NXNL1: variants seen among roughly 807,000 people sequenced by gnomAD.
NXNL1 encodes the protein nucleoredoxin-like protein 1.
Under a neutral mutation model 7.2 loss-of-function variants are expected in NXNL1, and 6 were observed. That is an observed-to-expected ratio of 0.83 (90% CI 0.46 to 1.64). The LOEUF (loss-of-function observed/expected upper bound fraction) is 1.64, where lower values mean the gene tolerates loss of function less well. Among genes scored for constraint, NXNL1 ranks in the 40% most tolerant of loss-of-function variants. The pLI, the probability that NXNL1 is intolerant of heterozygous loss-of-function variation, is 0.01. For missense variants in NXNL1, 308 were observed against 285.1 expected, an observed-to-expected ratio of 1.08 and a Z score of -0.58; for synonymous variants, 133 against 127.2, an observed-to-expected ratio of 1.05 and a Z score of -0.31.
chr19:17,460,536 CT>C lies in NXNL1; in HGVS notation c.326+7del. 1 of 1,599,696 alleles carries C rather than the reference CT, an allele frequency of 6.3e-7. No individual in the cohort carries two copies. Among genetic ancestry groups the C allele is most frequent in the East Asian group, 2.2e-5 (1 of 44,880 alleles). On this transcript the variant is annotated splice_region_variant and intron_variant, in intron 1 of 1. Coordinates refer to ENST00000301944, the MANE Select transcript of NXNL1 (RefSeq NM_138454.2). The stretch of plus-strand genomic sequence containing the variant: ...CTCCTCCAGGAAGCCCTCCCTGCCC[CT>C]CCTCACCTCCTCAGATCATCCTCAA...
In NXNL1 at chr19:17,455,799, A is replaced by G; in HGVS notation, c.487T>C (p.Phe163Leu). Residue 163 changes from phenylalanine to leucine, a missense_variant, in exon 2 of 2, where the codon TTC becomes CTC. By Grantham distance (22) the Phe-to-Leu change is conservative. Transcript: ENST00000301944. ...TCCTCCAGGTCCTCTGGCAGCTGGA[A>G]GTTGCGGTCCAGCACCTCGGCCGCC... ...QEAAEVLDRN[F>L]QLPEDLEDQE... is the part of the protein sequence containing the mutation. 3.8e-6 allele frequency: 6 copies of G among 1,565,968 alleles called. No homozygotes were observed. Among genetic ancestry groups the G allele is most frequent in the Non-Finnish European group, 5.2e-6 (6 of 1,160,826 alleles).
chr19:17,456,341 A>AATAAATAAATAG (rs1223058505), intron 1 of NXNL1, among the ~76,000 whole-genome samples: 4 of 151,500 alleles, frequency 2.6e-5, no homozygotes, highest in African/African-American at 7.3e-5. Flanking sequence ...TAAATAAATA[A>AATAAATAAATAG]AGCAGGGTGT....
At chr19:17,457,278 A>G (rs940326765) in intron 1 of NXNL1, among the ~76,000 whole-genome samples, 2 of 152,164 alleles carry the variant, frequency 1.3e-5, no homozygotes, top group Admixed American at 1.3e-4. Flanking sequence ...AATTTCAGAT[A>G]AACAATGAAT....
chr19:17,455,572 A>T lies in NXNL1; in HGVS notation c.*75T>A. 1.1e-6 allele frequency: 1 copy of T among 925,126 alleles called. No homozygotes were observed. 57.3% of individuals were successfully genotyped at this position (925,126 alleles called of 1,614,324 possible). A position where few individuals can be genotyped will look rare whatever the true frequency, so the allele number is the denominator to read the frequency against. On this transcript the variant is annotated 3_prime_UTR_variant, in exon 2 of 2. Coordinates refer to ENST00000301944, the MANE Select transcript of NXNL1 (RefSeq NM_138454.2). ...CGCCTTGGCCTCCCCAAGTGCTGGG[A>T]TTACAGGCGTGCGGGGGTGGGGTGG...
intron 1 of NXNL1, among the ~76,000 whole-genome samples, chr19:17,456,893 C>CA (rs923906021): frequency 2.0e-5 from 3 of 151,582 alleles, no homozygotes; most frequent in Non-Finnish European, 4.4e-5. Context: ...CTAAAAAATA[C>CA]AAAAAATTAG....
In NXNL1 at chr19:17,455,668, G is replaced by GGGGGCCCCCCC. The variant is rs2144513929; in HGVS notation, c.617_618insGGGGGGGCCCC (p.Ala208GlyfsTer60). The GGGGGCCCCCCC allele has an allele frequency of 3.0e-6, 1 of 330,278 alleles. No individual in the cohort carries two copies. Among genetic ancestry groups the GGGGGCCCCCCC allele is most frequent in the Non-Finnish European group, 4.7e-6 (1 of 214,738 alleles). The allele number at this position is 330,278 out of a possible 1,614,324, so 20.5% of individuals were successfully genotyped here. Reference sequence around the variant, plus strand: ...CGGGTCAGAACAGCCCCCCGGCCCCGCCCTCCTCCCCACCCCCTCCCCCGG... The same window carrying GGGGGCCCCCCC: ...CGGGTCAGAACAGCCCCCCGGCCCCGGGGGCCCCCCCCCCTCCTCCCCACCCCCTCCCCCGG... On this transcript the variant is annotated frameshift_variant, in exon 2 of 2. Coordinates refer to ENST00000301944, the MANE Select transcript of NXNL1 (RefSeq NM_138454.2). LOFTEE classifies it high-confidence loss of function.
chr19:17,455,962 G>C lies in NXNL1; in HGVS notation c.327-3C>G, dbSNP rs1181961377. The stretch of plus-strand genomic sequence containing the variant: ...CTGAGAACTGGCGCCCGAGGTCCCT[G>C]CGGAGCGGGCAGGTCAGTCTGGACG... On this transcript the variant is annotated splice_polypyrimidine_tract_variant and splice_region_variant and intron_variant, in intron 1 of 1. Coordinates refer to ENST00000301944, the MANE Select transcript of NXNL1 (RefSeq NM_138454.2). 1 of 1,597,470 alleles carries C rather than the reference G, an allele frequency of 6.3e-7. No homozygotes were observed. Among genetic ancestry groups the C allele is most frequent in the African/African-American group, 1.3e-5 (1 of 74,906 alleles).
intron 1 of NXNL1, among the ~76,000 whole-genome samples, chr19:17,457,094 TAA>T (rs67507866): frequency 1.4e-5 from 2 of 142,278 alleles, no homozygotes. Context: ...CTCCCTCTCT[TAA>T]AAAAAAAAAA....
chr19:17,459,941 T>C (rs1056775519), intron 1 of NXNL1, among the ~76,000 whole-genome samples: 2 of 152,138 alleles, frequency 1.3e-5, no homozygotes, highest in Non-Finnish European at 2.9e-5. Flanking sequence ...TCACCAAGGT[T>C]TCCCTCATTG....
chr19:17,458,227 T>TC (rs2075000111), intron 1 of NXNL1, among the ~76,000 whole-genome samples: 1 of 147,166 alleles, frequency 6.8e-6, no homozygotes, highest in Non-Finnish European at 1.5e-5. Flanking sequence ...TTTCTTTTTT[T>TC]TTTTTTTTTT....
At chr19:17,458,879 C>T (rs762807402) in intron 1 of NXNL1, among the ~76,000 whole-genome samples, 1 of 152,108 alleles carries the variant, frequency 6.6e-6, no homozygotes, top group Non-Finnish European at 1.5e-5. Context: ...GCTGGGATTA[C>T]AGGCATGAGC....
Position 17,455,671 on chromosome 19 carries a change from C to CCCCCCCCCCCCCCCCCCCCCCCCCCGGG in NXNL1, c.614_615insCCCGGGGGGGGGGGGGGGGGGGGGGGGG (p.Glu205AspfsTer21). 1 of 1,079,742 alleles carries CCCCCCCCCCCCCCCCCCCCCCCCCCGGG rather than the reference C, an allele frequency of 9.3e-7. No individual in the cohort carries two copies. Among genetic ancestry groups the CCCCCCCCCCCCCCCCCCCCCCCCCCGGG allele is most frequent in the African/African-American group, 1.6e-5 (1 of 62,834 alleles). The allele number at this position is 1,079,742 out of a possible 1,614,324, so 66.9% of individuals were successfully genotyped here. On this transcript the variant is annotated frameshift_variant, in exon 2 of 2. Coordinates refer to ENST00000301944, the MANE Select transcript of NXNL1 (RefSeq NM_138454.2). LOFTEE classifies it high-confidence loss of function. ...GTCAGAACAGCCCCCCGGCCCCGCC[C>CCCCCCCCCCCCCCCCCCCCCCCCCCGGG]TCCTCCCCACCCCCTCCCCCGGGGT... is the stretch of plus-strand genomic sequence containing the variant.
chr19:17,457,148 A>T (rs997676922), intron 1 of NXNL1, among the ~76,000 whole-genome samples: 1 of 151,374 alleles, frequency 6.6e-6, no homozygotes, highest in African/African-American at 2.4e-5. Context: ...CTGTAATCCC[A>T]GCACTTTGGG....
chr19:17,455,608 T>C lies in NXNL1; in HGVS notation c.*39A>G, dbSNP rs2074989026. The stretch of plus-strand genomic sequence containing the variant: ...GCGGGGGTGGGGTGGGGGTGGAGGT[T>C]CATCAACAAACCCCACTCCTCTCCT... On this transcript the variant is annotated 3_prime_UTR_variant, in exon 2 of 2. Transcript: ENST00000301944. 2 of 1,238,460 alleles carry C rather than the reference T, an allele frequency of 1.6e-6. No individual in the cohort carries two copies. Among genetic ancestry groups the C allele is most frequent in the East Asian group, 5.1e-5 (2 of 39,118 alleles). The allele number at this position is 1,238,460 out of a possible 1,614,324, so 76.7% of individuals were successfully genotyped here.
At chr19:17,457,043 T>TCAACAA (rs796402054) in intron 1 of NXNL1, among the ~76,000 whole-genome samples, 7 of 147,732 alleles carry the variant, frequency 4.7e-5, no homozygotes, top group African/African-American at 1.0e-4. Context: ...ATACTCCATC[T>TCAACAA]CAACAACAAC....
Position 17,455,769 on chromosome 19 carries a change from C to T in NXNL1, c.517G>A (p.Glu173Lys), listed in dbSNP as rs775492723. The change falls in exon 2 of 2, where the codon GAG becomes AAG. Residue 173 changes from glutamate (E) to lysine (K), a missense_variant. Transcript: ENST00000301944. ...FQLPEDLEDQ[E>K]PRSLTECLRR... is the part of the protein sequence containing the mutation. ...AGGCACTCGGTGAGGCTCCGTGGCT[C>T]CTGGTCCTCCAGGTCCTCTGGCAGC... is the stretch of plus-strand genomic sequence containing the variant. The T allele has an allele frequency of 1.1e-5, 17 of 1,537,284 alleles. No homozygotes were observed. The highest frequency in any genetic ancestry group is 3.4e-4 in the Middle Eastern group (2 of 5,806).
intron 1 of NXNL1, among the ~76,000 whole-genome samples, chr19:17,457,224 C>T (rs995803400): frequency 3.3e-5 from 5 of 151,808 alleles, no homozygotes; most frequent in Admixed American, 1.3e-4. Flanking sequence ...ATAACGAGAC[C>T]CCATCTCTCT....
intron 1 of NXNL1, among the ~76,000 whole-genome samples, chr19:17,457,048 A>G (rs748206178): frequency 6.7e-6 from 1 of 148,940 alleles, no homozygotes; most frequent in Non-Finnish European, 1.5e-5. Context: ...CCATCTCAAC[A>G]ACAACAACAA....
In NXNL1 at chr19:17,455,663, G is replaced by GGCCCCCCCCCCCCCCCCCCCCCCCCCCCC; in HGVS notation, c.622_623insGGGGGGGGGGGGGGGGGGGGGGGGGGGGC (p.Ala208GlyfsTer66). ...CCTAGCGGGTCAGAACAGCCCCCCG[G>GGCCCCCCCCCCCCCCCCCCCCCCCCCCCC]CCCCGCCCTCCTCCCCACCCCCTCC... On this transcript the variant is annotated frameshift_variant, in exon 2 of 2. Transcript: ENST00000301944. LOFTEE classifies it high-confidence loss of function. 1 of 771,714 alleles carries GGCCCCCCCCCCCCCCCCCCCCCCCCCCCC rather than the reference G, an allele frequency of 1.3e-6. No individual in the cohort carries two copies. The highest frequency in any genetic ancestry group is 2.2e-6 in the Non-Finnish European group (1 of 464,464). The allele number at this position is 771,714 out of a possible 1,614,324, so 47.8% of individuals were successfully genotyped here.
Sources: gnomAD v4.1 joint callset for allele counts (sites outside exome capture counted in the v4.1 genomes callset) on GRCh38, gnomAD v4.1.1 for gene constraint, MANE v1.5 for transcripts, NCBI Gene and HGNC (gene_info 2026-07-23, HGNC 2026-07-21) for gene names.